Variants in CCDC50 observed in about 807,000 individuals in gnomAD.
CCDC50 encodes coiled-coil domain-containing protein 50.
Under a neutral mutation model 70.2 loss-of-function variants are expected in CCDC50, and 54 were observed. The observed-to-expected ratio is 0.77, with a 90% confidence interval of 0.62 to 0.96. CCDC50 has a LOEUF of 0.96. CCDC50 is among the 50% of genes least tolerant of loss of function. CCDC50 has a pLI of 0.00. For missense variants in CCDC50, 558 were observed against 578.7 expected (o/e 0.96, Z 0.37); for synonymous variants, 216 against 198.8 (o/e 1.09, Z -0.73).
chr3:191,367,218 A>G (rs2108656538), intron 4 of CCDC50, among the ~76,000 whole-genome samples: 1 of 152,182 alleles, frequency 6.6e-6, no homozygotes, highest in South Asian at 2.1e-4. Flanking sequence ...TTCTTTGACT[A>G]GCTAATGCAT....
chr3:191,371,379 T>A (rs1398132821), intron 5 of CCDC50, among the ~76,000 whole-genome samples: 1 of 152,136 alleles, frequency 6.6e-6, no homozygotes, highest in South Asian at 2.1e-4. Flanking sequence ...GAAAGATGTT[T>A]CCTGTAGTTT....
chr3:191,369,570 C>G (rs552799417), intron 4 of CCDC50, among the ~76,000 whole-genome samples: 8 of 152,280 alleles, frequency 5.3e-5, no homozygotes, highest in Admixed American at 3.9e-4. Flanking sequence ...ATTACTACAT[C>G]CTGCCCAATC....
At chr3:191,337,828 C>T (rs1435063) in intron 1 of CCDC50, among the ~76,000 whole-genome samples, 54,446 of 151,560 alleles carry the variant, frequency 0.36, 12,418 homozygotes, top group East Asian at 0.71. Context: ...TGTTTCCTTA[C>T]GTTTTTTTTT....
At position 191,350,998 on chromosome 3, in the gene CCDC50, G is replaced by T. The variant is rs367924271; in HGVS notation, c.50-6090G>T. 6.5e-4 allele frequency among the ~76,000 whole-genome samples: 91 copies of T among 140,976 alleles called. 8 individuals are homozygous for T. The South Asian group carries it at 0.02, about 30-fold the overall frequency. The allele number at this position is 140,976 out of a possible 152,430, so 92.5% of individuals were successfully genotyped here. On this transcript the variant is annotated intron_variant, in intron 1 of 11. Coordinates refer to ENST00000392455, the MANE Select transcript of CCDC50 (RefSeq NM_178335.3). ...GCCCTTTAGGGGTATGTGTGTATGT[G>T]GGGGATGTGGCAGGGGTTGGGAGGG...
chr3:191,396,029 G>A lies in CCDC50; in HGVS notation c.*4269G>A, dbSNP rs1028551708. On this transcript the variant is annotated 3_prime_UTR_variant, in exon 12 of 12. Coordinates refer to ENST00000392455, the MANE Select transcript of CCDC50 (RefSeq NM_178335.3). ...TGGAAGAATCTCTTTTATCCATGGCGAGAGGTAAGAATATTAAAGAGTCAG... is the reference window on the plus strand; with the variant it reads ...TGGAAGAATCTCTTTTATCCATGGCAAGAGGTAAGAATATTAAAGAGTCAG... The A allele has an allele frequency of 2.0e-5, 3 of 152,168 alleles. No homozygotes were observed. Among genetic ancestry groups the A allele is most frequent in the African/African-American group, 7.2e-5 (3 of 41,458 alleles). 9.4% of individuals were successfully genotyped at this position (152,168 alleles called of 1,614,324 possible).
intron 3 of CCDC50, among the ~76,000 whole-genome samples, 153 bp downstream of exon 3, chr3:191,358,277 G>T (rs929087368): frequency 2.0e-5 from 3 of 152,230 alleles, no homozygotes; most frequent in Admixed American, 6.5e-5. Context: ...CAGTTTTTTT[G>T]ATTTGAAAAT....
In CCDC50 at chr3:191,380,724, A is replaced by G; in HGVS notation, c.1130A>G (p.Gln377Arg). The change falls in exon 8 of 12, where the codon CAA becomes CGA. Residue 377 changes from glutamine (Q) to arginine (R), a missense_variant. Gln to Arg is a conservative substitution (Grantham distance 43, BLOSUM62 1). Transcript: ENST00000392455. Reference sequence around the variant, plus strand: ...GACATGAGAGCCGCTCAAGTAGCTCAAGATGAAGTAAGTTAATGAGTTTAG... The same window carrying G: ...GACATGAGAGCCGCTCAAGTAGCTCGAGATGAAGTAAGTTAATGAGTTTAG... ...QVDMRAAQVA[Q>R]DEEIARLLMA... The G allele has an allele frequency of 6.2e-7, 1 of 1,612,640 alleles. No homozygotes were observed. Among genetic ancestry groups the G allele is most frequent in the Non-Finnish European group, 8.5e-7 (1 of 1,179,140 alleles).
chr3:191,369,183 C>T (rs955245258), intron 4 of CCDC50, among the ~76,000 whole-genome samples: 4 of 152,228 alleles, frequency 2.6e-5, no homozygotes, highest in Middle Eastern at 3.4e-3. Context: ...CCTAACACAA[C>T]GCAAAATCTT....
chr3:191,382,697 TTGTA>T lies in CCDC50; in HGVS notation c.1243-45_1243-42del, dbSNP rs531391721. The T allele has an allele frequency of 1.9e-3, 2,188 of 1,153,112 alleles. 4 individuals are homozygous for T. The highest frequency in any genetic ancestry group is 6.4e-3 in the Middle Eastern group (33 of 5,158). The allele number at this position is 1,153,112 out of a possible 1,614,324, so 71.4% of individuals were successfully genotyped here. ...TTTCCCTTTGTTTGATGATTCTGGA[TTGTA>T]TGTGTGTGTTATTTTTGTTTGTTTG... On this transcript the variant is annotated intron_variant, in intron 9 of 11. Coordinates refer to ENST00000392455, the MANE Select transcript of CCDC50 (RefSeq NM_178335.3).
intron 4 of CCDC50, among the ~76,000 whole-genome samples, chr3:191,366,555 G>A (rs1712696263): frequency 6.6e-6 from 1 of 151,970 alleles, no homozygotes; most frequent in Admixed American, 6.6e-5. Context: ...GAGCTTAAGA[G>A]TTCATTTAGA....
At chr3:191,371,392 A>G (rs1004459816) in intron 5 of CCDC50, among the ~76,000 whole-genome samples, 14 of 152,176 alleles carry the variant, frequency 9.2e-5, no homozygotes, top group African/African-American at 3.4e-4. Flanking sequence ...TGTAGTTTCA[A>G]GTGTCAGTAT....
At chr3:191,374,558 TG>T (rs1253261707) in intron 5 of CCDC50, among the ~76,000 whole-genome samples, 1 of 152,184 alleles carries the variant, frequency 6.6e-6, no homozygotes, top group Non-Finnish European at 1.5e-5. Flanking sequence ...TATAAAAATC[TG>T]TGGATCATTC....
intron 11 of CCDC50, among the ~76,000 whole-genome samples, chr3:191,391,100 G>A (rs1713679159): frequency 6.8e-6 from 1 of 146,632 alleles, no homozygotes. Context: ...GCACAGTGCA[G>A]TAGACTTTGC....
In CCDC50 at chr3:191,361,115, G is replaced by T. The variant is rs1204292431; in HGVS notation, c.286G>T (p.Ala96Ser). Residue 96 changes from alanine (A) to serine (S), a missense_variant, in exon 4 of 12, where the codon GCT becomes TCT. By Grantham distance (99) the Ala-to-Ser change is moderately conservative (BLOSUM62 1). Coordinates refer to ENST00000392455, the MANE Select transcript of CCDC50 (RefSeq NM_178335.3). ...EIAQEIQEKL[A>S]IEAERRRIQE... is the part of the protein sequence containing the mutation. The stretch of plus-strand genomic sequence containing the variant: ...TGCTCAGGAAATTCAGGAGAAGCTG[G>T]CTATTGAGGCAGAGAGACGACGCAT... 1.2e-6 allele frequency: 2 copies of T among 1,613,786 alleles called. No individual in the cohort carries two copies. The highest frequency in any genetic ancestry group is 3.3e-5 in the Admixed American group (2 of 60,010).
At chr3:191,389,717 T>C (rs1713616538) in intron 11 of CCDC50, 115 bp downstream of exon 11, 1 of 802,222 alleles carries the variant, frequency 1.2e-6, no homozygotes, top group Non-Finnish European at 2.2e-6. Context: ...AGTTATTCTG[T>C]CAGCACATTG....
At chr3:191,372,082 G>A (rs1208425127) in intron 5 of CCDC50, among the ~76,000 whole-genome samples, 1 of 152,128 alleles carries the variant, frequency 6.6e-6, no homozygotes, top group Non-Finnish European at 1.5e-5. Context: ...CTTGAATTGA[G>A]ACTCAAACCT....
chr3:191,343,425 T>C (rs1473866), intron 1 of CCDC50, among the ~76,000 whole-genome samples: 68,070 of 152,108 alleles, frequency 0.45, 18,922 homozygotes, highest in East Asian at 0.92. Context: ...ACTGCAGAAG[T>C]TACTGTGTAA....
chr3:191,391,868 A>G lies in CCDC50; in HGVS notation c.*108A>G. On this transcript the variant is annotated 3_prime_UTR_variant, in exon 12 of 12. Coordinates refer to ENST00000392455, the MANE Select transcript of CCDC50 (RefSeq NM_178335.3). ...TTTCTCCTGTGTTTGCATTCCTGGG[A>G]TTTATCCTCAAGTGCATTTCTGACC... is the stretch of plus-strand genomic sequence containing the variant. The G allele has an allele frequency of 2.0e-6, 2 of 981,738 alleles. No individual in the cohort carries two copies. Among genetic ancestry groups the G allele is most frequent in the Admixed American group, 4.2e-5 (2 of 47,986 alleles). The allele number at this position is 981,738 out of a possible 1,614,324, so 60.8% of individuals were successfully genotyped here. A position where few individuals can be genotyped will look rare whatever the true frequency, so the allele number is the denominator to read the frequency against.
intron 1 of CCDC50, among the ~76,000 whole-genome samples, chr3:191,343,202 C>G (rs919732204): frequency 2.0e-5 from 3 of 152,108 alleles, no homozygotes; most frequent in African/African-American, 7.2e-5. Flanking sequence ...CTCACGTATA[C>G]CCAGGGATGA....
Sources: allele counts gnomAD v4.1 joint callset (sites outside exome capture counted in the v4.1 genomes callset), GRCh38; gene constraint gnomAD v4.1.1; transcripts MANE v1.5; gene names NCBI Gene and HGNC (gene_info 2026-07-23, HGNC 2026-07-21).